DNAH7: variants seen among roughly 807,000 people sequenced by gnomAD.
DNAH7 encodes the protein dynein axonemal heavy chain 7.
DNAH7 carries 397 observed loss-of-function variants against 444.6 expected under a neutral mutation model. The observed-to-expected ratio is 0.89, with a 90% CI of 0.82 to 0.97. The LOEUF (loss-of-function observed/expected upper bound fraction) is 0.97. Ranked by LOEUF, DNAH7 falls within the 50% of genes least tolerant of loss-of-function variation. The pLI is 0.00. For synonymous variants in DNAH7, 1,636 were observed against 1,624.4 expected, an observed-to-expected ratio of 1.01 and a Z score of -0.17; for missense variants, 4,902 against 4,800.8, an observed-to-expected ratio of 1.02 and a Z score of -0.62.
chr2:195,960,968 T>G, intron 17 of DNAH7, 23 bp from the exon 18 acceptor site: 1 of 1,474,436 alleles, frequency 6.8e-7, no homozygotes, highest in South Asian at 1.5e-5. Flanking sequence ...GTATTGAATA[T>G]ATTAGTTATT....
chr2:195,960,251 T>A lies in DNAH7; in HGVS notation c.2891+9A>T. On this transcript the variant is annotated intron_variant, in intron 18 of 64. Coordinates refer to ENST00000312428, the MANE Select transcript of DNAH7 (RefSeq NM_018897.3). ...TAGCATAAACATTGCCATATAAATATCACTTTACCTCATTTGTTTTTCATA... is the reference window on the plus strand; with the variant it reads ...TAGCATAAACATTGCCATATAAATAACACTTTACCTCATTTGTTTTTCATA... 6.3e-7 allele frequency: 1 copy of A among 1,582,490 alleles called. No homozygotes were observed. Among genetic ancestry groups the A allele is most frequent in the South Asian group, 1.2e-5 (1 of 85,332 alleles).
At chr2:196,058,668 C>CA (rs1697961579) in intron 1 of DNAH7, among the ~76,000 whole-genome samples, 1 of 151,864 alleles carries the variant, frequency 6.6e-6, no homozygotes, top group Non-Finnish European at 1.5e-5. Context: ...AACCATAAAA[C>CA]ATTATTGAAA....
At chr2:195,925,338 CCT>C (rs1688263314) in intron 22 of DNAH7, among the ~76,000 whole-genome samples, 1 of 152,058 alleles carries the variant, frequency 6.6e-6, no homozygotes, top group African/African-American at 2.4e-5. Context: ...TGGAGAAATC[CCT>C]CTGAGTGTGG....
chr2:195,776,775 T>C (rs1695085134), intron 59 of DNAH7, among the ~76,000 whole-genome samples: 1 of 152,240 alleles, frequency 6.6e-6, no homozygotes, highest in Non-Finnish European at 1.5e-5. Flanking sequence ...ACATATTTTA[T>C]ATTTTATTTA....
At chr2:195,857,310 A>G (rs942228784) in intron 44 of DNAH7, 67 bp downstream of exon 44, 48 of 1,340,994 alleles carry the variant, frequency 3.6e-5, no homozygotes, top group Non-Finnish European at 4.8e-5. Context: ...TTTAAATTGT[A>G]TATTTTCTAA....
intron 36 of DNAH7, among the ~76,000 whole-genome samples, chr2:195,881,270 G>A (rs1342457799): frequency 2.0e-5 from 3 of 152,194 alleles, no homozygotes; most frequent in Non-Finnish European, 4.4e-5. Context: ...TTAACTGGAA[G>A]CTACAATCAA....
At chr2:195,913,093 T>TA (rs932727771) in intron 24 of DNAH7, among the ~76,000 whole-genome samples, 4 of 151,862 alleles carry the variant, frequency 2.6e-5, no homozygotes, top group Admixed American at 1.3e-4. Flanking sequence ...AGAGCAACTT[T>TA]AAAAAAAACA....
intron 57 of DNAH7, among the ~76,000 whole-genome samples, chr2:195,793,245 AT>A (rs1452059895): frequency 6.6e-6 from 1 of 152,124 alleles, no homozygotes; most frequent in Admixed American, 6.5e-5. Flanking sequence ...CCCTTGTACT[AT>A]TTTTATACTC....
chr2:195,774,644 G>A (rs986267504), intron 60 of DNAH7, among the ~76,000 whole-genome samples: 7 of 152,132 alleles, frequency 4.6e-5, no homozygotes, highest in African/African-American at 1.7e-4. Context: ...GCTGACTTTG[G>A]GCAAACTGCT....
At chr2:195,930,743 G>C (rs1460712462) in intron 21 of DNAH7, among the ~76,000 whole-genome samples, 1 of 152,176 alleles carries the variant, frequency 6.6e-6, no homozygotes, top group African/African-American at 2.4e-5. Flanking sequence ...CACTGGAGCA[G>C]TATTCACAAT....
chr2:195,775,983 GCTGCAGAGATGAATAA>G lies in DNAH7; in HGVS notation c.11065-16_11065-1del. ...TTTGTGTATTCGATGTAGCTTTTGT[GCTGCAGAGATGAATAA>G]CAAGAAGTCAGGAGGTTAGAAATCA... is the stretch of plus-strand genomic sequence containing the variant. On this transcript the variant is annotated splice_acceptor_variant and splice_polypyrimidine_tract_variant and intron_variant, in intron 59 of 64. Transcript: ENST00000312428. LOFTEE classifies it high-confidence loss of function. 6.2e-7 allele frequency: 1 copy of G among 1,613,204 alleles called. No homozygotes were observed. The highest frequency in any genetic ancestry group is 8.5e-7 in the Non-Finnish European group (1 of 1,179,758).
In DNAH7 at chr2:195,921,352, TACACACACACACAC is replaced by T. The variant is rs140152411; in HGVS notation, c.3935+722_3935+735del. On this transcript the variant is annotated intron_variant, in intron 24 of 64. Transcript: ENST00000312428. ...ATGAGTGGATAAAGAAAATGTGGTG[TACACACACACACAC>T]ACACACACACACACACACACACACA... Among the ~76,000 whole-genome samples, 253 of 140,458 alleles carry T rather than the reference TACACACACACACAC, an allele frequency of 1.8e-3. 2 individuals carry two copies. Among genetic ancestry groups the T allele is most frequent in the African/African-American group, 6.0e-3 (231 of 38,420 alleles). The allele number at this position is 140,458 out of a possible 152,430, so 92.1% of individuals were successfully genotyped here. A position where few individuals can be genotyped will look rare whatever the true frequency, so the allele number is the denominator to read the frequency against.
At chr2:195,748,640 A>G (rs1272951828) in intron 63 of DNAH7, among the ~76,000 whole-genome samples, 2 of 152,238 alleles carry the variant, frequency 1.3e-5, no homozygotes, top group African/African-American at 2.4e-5. Flanking sequence ...AAACAGAGAT[A>G]GAGACCAATG....
intron 5 of DNAH7, among the ~76,000 whole-genome samples, chr2:196,045,233 AAGAG>A (rs1407701004): frequency 6.7e-6 from 1 of 150,198 alleles, no homozygotes; most frequent in African/African-American, 2.5e-5. Context: ...GAGAAGAAGA[AAGAG>A]AGGGAGGGAA....
At chr2:195,997,473 T>A (rs1017899946) in intron 12 of DNAH7, among the ~76,000 whole-genome samples, 1 of 152,054 alleles carries the variant, frequency 6.6e-6, no homozygotes, top group Admixed American at 6.6e-5. Context: ...CGAGATCACA[T>A]CACCGCACTC....
intron 16 of DNAH7, among the ~76,000 whole-genome samples, chr2:195,971,372 T>A (rs537546847): frequency 9.2e-5 from 14 of 152,244 alleles, no homozygotes; most frequent in African/African-American, 2.9e-4. Flanking sequence ...GAAGTGGATA[T>A]AAATGGAGAA....
rs1482514454 is a variant in DNAH7 at position 195,834,296 on chromosome 2, T to C, written c.9010A>G (p.Met3004Val). 1.4e-5 allele frequency: 22 copies of C among 1,608,820 alleles called. No homozygotes were observed. The highest frequency in any genetic ancestry group is 1.7e-5 in the Non-Finnish European group (20 of 1,175,718). ...ACATAAAGACTATTGGCTTTTTCCATGTTCTTGATCCATTTATTAGCCTGA... is the reference window on the plus strand; with the variant it reads ...ACATAAAGACTATTGGCTTTTTCCACGTTCTTGATCCATTTATTAGCCTGA... ...QSQANKWIKN[M>V]EKANSLYVIK... The change falls in exon 48 of 65, where the codon ATG becomes GTG. Residue 3004 changes from methionine to valine, a missense_variant. By Grantham distance (21) the Met-to-Val change is conservative. Coordinates refer to ENST00000312428, the MANE Select transcript of DNAH7 (RefSeq NM_018897.3).
chr2:195,909,305 T>A (rs142171226), intron 25 of DNAH7, among the ~76,000 whole-genome samples: 102 of 152,222 alleles, frequency 6.7e-4, no homozygotes, highest in African/African-American at 2.4e-3. Flanking sequence ...TAAATAAATA[T>A]ATAATTTCAA....
rs67782183 is a variant in DNAH7, at chr2:195,950,851, CAAAAAA to C, written c.3078+6404_3078+6409del. On this transcript the variant is annotated intron_variant, in intron 19 of 64. Coordinates refer to ENST00000312428, the MANE Select transcript of DNAH7 (RefSeq NM_018897.3). Reference sequence around the variant, plus strand: ...TAGGCAACAGAGTGGGACTCTGTCTCAAAAAAAAAAAAAAAAAAAAAAAAAAAACCC... The same window carrying C: ...TAGGCAACAGAGTGGGACTCTGTCTCAAAAAAAAAAAAAAAAAAAAAACCC... Among the ~76,000 whole-genome samples the C allele has an allele frequency of 2.1e-3, 76 of 36,712 alleles. No homozygotes were observed. The East Asian group carries it at 0.032, about 16-fold the overall frequency. The allele number at this position is 36,712 out of a possible 152,430, so 24.1% of individuals were successfully genotyped here.
Sources: allele counts gnomAD v4.1 joint callset (sites outside exome capture counted in the v4.1 genomes callset), GRCh38; gene constraint gnomAD v4.1.1; transcripts MANE v1.5; gene names NCBI Gene and HGNC (gene_info 2026-07-23, HGNC 2026-07-21).